RANBP2: variants seen among roughly 807,000 people sequenced by gnomAD.
RANBP2 encodes the protein E3 SUMO-protein ligase RanBP2.
A neutral mutation model predicts 303.6 loss-of-function variants in RANBP2; 57 were observed. The ratio of observed to expected loss-of-function variants is 0.19; its 90% CI spans 0.15 to 0.23. RANBP2 has a LOEUF of 0.23. RANBP2 is among the 10% of genes least tolerant of loss of function. RANBP2 has a pLI of 1.00. For synonymous variants in RANBP2, 1,167 were observed against 1,301.5 expected (o/e 0.90, Z 2.23); for missense variants, 3,138 against 3,780.8 (o/e 0.83, Z 4.46).
rs758145094 is a variant in RANBP2, at chr2:108,758,473, A to G, written c.2527A>G (p.Thr843Ala). 3 of 1,611,754 alleles carry G rather than the reference A, an allele frequency of 1.9e-6. No homozygotes were observed. The highest frequency in any genetic ancestry group is 1.1e-5 in the South Asian group (1 of 90,958). Residue 843 changes from threonine to alanine, a missense_variant, in exon 18 of 29, where the codon ACA (threonine) becomes GCA (alanine). Physicochemically the swap from Thr to Ala is moderately conservative, Grantham distance 58. Around this residue, in one of 20 missense-constraint regions of RANBP2, gnomAD observed 194 missense variants for 197.4 expected, o/e 0.98. Transcript: ENST00000283195. ...SNSASPHRWP[T>A]ENYGPDSVPD... ...CTCAGCATCCCCTCATCGTTGGCCC[A>G]CAGAGAATTATGGACCAGACTCAGT...
the RANBP2 span, among the ~76,000 whole-genome samples, chr2:109,729,789 C>G: frequency 6.6e-6 from 1 of 152,150 alleles, no homozygotes; most frequent in Admixed American, 6.5e-5. Context: ...TGTTTTCACA[C>G]TGCTATAAAG....
chr2:109,764,099 T>G, the RANBP2 span, among the ~76,000 whole-genome samples: 1 of 148,638 alleles, frequency 6.7e-6, no homozygotes, highest in African/African-American at 2.5e-5. Context: ...GTTTCAACTT[T>G]TTCAGCCATA....
the RANBP2 span, among the ~76,000 whole-genome samples, chr2:109,487,490 G>C: frequency 6.6e-6 from 1 of 152,168 alleles, no homozygotes; most frequent in Non-Finnish European, 1.5e-5. Context: ...TTTTGGAGAG[G>C]GTTTTCTAGC....
the RANBP2 span, among the ~76,000 whole-genome samples, chr2:109,657,424 G>A: frequency 6.6e-6 from 1 of 152,038 alleles, no homozygotes; most frequent in African/African-American, 2.4e-5. Context: ...CTCCAGCCTG[G>A]GCAACGGAGT....
the RANBP2 span, among the ~76,000 whole-genome samples, chr2:109,645,485 T>C: frequency 6.6e-6 from 1 of 152,174 alleles, no homozygotes. Flanking sequence ...CAAAAGTAAA[T>C]GCGGGTCCTC....
intron 4 of RANBP2, among the ~76,000 whole-genome samples, chr2:108,733,518 T>C (rs1695343176): frequency 6.6e-6 from 1 of 152,168 alleles, no homozygotes; most frequent in South Asian, 2.1e-4. Context: ...GTACAGATTT[T>C]TGAAGCTGAA....
chr2:108,908,060 GGGC>G, the RANBP2 span: 1 of 1,571,338 alleles, frequency 6.4e-7, no homozygotes, highest in Non-Finnish European at 8.7e-7. Context: ...GTGCCTGGGG[GGGC>G]TGCAGCCCTG....
At chr2:108,812,522 G>C in the RANBP2 span, 5 of 760,706 alleles carry the variant, frequency 6.6e-6, no homozygotes, top group African/African-American at 1.7e-5. Flanking sequence ...TCTCTGTTTT[G>C]TTACATTGGT....
chr2:109,286,383 A>C, the RANBP2 span, among the ~76,000 whole-genome samples: 1 of 152,186 alleles, frequency 6.6e-6, no homozygotes, highest in Non-Finnish European at 1.5e-5. Context: ...TTGCAATTCA[A>C]AGGCAAGCAG....
chr2:109,233,591 C>T, the RANBP2 span, among the ~76,000 whole-genome samples: 8 of 152,194 alleles, frequency 5.3e-5, no homozygotes, highest in African/African-American at 1.9e-4. Flanking sequence ...GCCATGGTGT[C>T]CAGGCTTGAG....
the RANBP2 span, among the ~76,000 whole-genome samples, chr2:109,583,949 A>G: frequency 2.0e-5 from 3 of 152,158 alleles, no homozygotes; most frequent in African/African-American, 7.2e-5. Context: ...TTGGGTACAC[A>G]TGGATATAAA....
At chr2:109,640,969 G>A in the RANBP2 span, among the ~76,000 whole-genome samples, 6 of 151,794 alleles carry the variant, frequency 4.0e-5, no homozygotes, top group African/African-American at 1.5e-4. Flanking sequence ...AGAAATGGAG[G>A]GTAGATCTTC....
chr2:109,589,734 G>A, the RANBP2 span, among the ~76,000 whole-genome samples: 2 of 146,514 alleles, frequency 1.4e-5, no homozygotes, highest in Non-Finnish European at 3.0e-5. Context: ...TTATTATATA[G>A]CCAAAAAAAA....
At chr2:109,634,429 G>A in the RANBP2 span, among the ~76,000 whole-genome samples, 1 of 152,208 alleles carries the variant, frequency 6.6e-6, no homozygotes, top group Non-Finnish European at 1.5e-5. Flanking sequence ...ACATCACTGA[G>A]GGCCAGGAGG....
downstream of RANBP2, among the ~76,000 whole-genome samples, chr2:108,790,360 G>T (rs1679704833): frequency 6.6e-6 from 1 of 151,938 alleles, no homozygotes; most frequent in Non-Finnish European, 1.5e-5. Flanking sequence ...ATAATCTAAA[G>T]GTTTTGGACT....
At chr2:109,249,216 C>G in the RANBP2 span, among the ~76,000 whole-genome samples, 2 of 151,776 alleles carry the variant, frequency 1.3e-5, no homozygotes, top group African/African-American at 2.4e-5. Context: ...CTAAGCAACT[C>G]CCCCCCGACT....
At chr2:109,710,158 G>T in the RANBP2 span, among the ~76,000 whole-genome samples, 1 of 151,508 alleles carries the variant, frequency 6.6e-6, no homozygotes, top group African/African-American at 2.4e-5. Context: ...GAGACGGGTG[G>T]ATCACTTGAG....
the RANBP2 span, among the ~76,000 whole-genome samples, chr2:109,637,302 G>A: frequency 0.04 from 3,210 of 80,972 alleles, no homozygotes; most frequent in South Asian, 0.066. Context: ...TGTACAATCG[G>A]GTTTTATACC....
chr2:108,745,832 C>T (rs1696466313), intron 7 of RANBP2, among the ~76,000 whole-genome samples: 1 of 151,750 alleles, frequency 6.6e-6, no homozygotes, highest in South Asian at 2.1e-4. Context: ...ATTAAATTTT[C>T]CATTTCTCTG....
Sources: allele counts gnomAD v4.1 joint callset (sites outside exome capture counted in the v4.1 genomes callset), GRCh38; gene constraint gnomAD v4.1.1; regional missense constraint gnomAD v4.1.1; transcripts MANE v1.5; gene names NCBI Gene and HGNC (gene_info 2026-07-23, HGNC 2026-07-21).